Variants in HS3ST5 observed in about 807,000 individuals in gnomAD.
The protein encoded by HS3ST5 is heparan sulfate glucosamine 3-O-sulfotransferase 5.
HS3ST5 carries 10 observed loss-of-function variants against 25.4 expected under a neutral mutation model. That is an observed-to-expected ratio of 0.39 (90% CI 0.24 to 0.67). The LOEUF (loss-of-function observed/expected upper bound fraction) is 0.67. HS3ST5 is among the 30% of genes least tolerant of loss of function. The pLI is 0.44. For synonymous variants in HS3ST5, 170 were observed against 162.4 expected, an observed-to-expected ratio of 1.05 and a Z score of -0.36; for missense variants, 324 against 420.7, an observed-to-expected ratio of 0.77 and a Z score of 2.01.
chr6:114,256,354 C>G (rs1011942510), intron 1 of HS3ST5, among the ~76,000 whole-genome samples: 2 of 151,236 alleles, frequency 1.3e-5, no homozygotes, highest in African/African-American at 4.9e-5. Context: ...CGCCACTGCA[C>G]TCCAGCCTGG....
chr6:114,260,221 AAT>A (rs1442417820), intron 1 of HS3ST5, among the ~76,000 whole-genome samples: 1 of 152,168 alleles, frequency 6.6e-6, no homozygotes, highest in African/African-American at 2.4e-5. Flanking sequence ...CATCTATTCT[AAT>A]ATGGCAAACT....
intron 1 of HS3ST5, among the ~76,000 whole-genome samples, chr6:114,299,519 C>T (rs1774980573): frequency 1.3e-5 from 2 of 152,224 alleles, no homozygotes; most frequent in South Asian, 2.1e-4. Flanking sequence ...TTTTACGGCT[C>T]CTGGGGCATC....
At chr6:114,121,698 A>AT (rs1776794474) in intron 3 of HS3ST5, among the ~76,000 whole-genome samples, 1 of 152,288 alleles carries the variant, frequency 6.6e-6, no homozygotes, top group African/African-American at 2.4e-5. Flanking sequence ...GGCTTCCCAT[A>AT]TTTTTAAAAA....
chr6:114,182,990 A>G (rs1186834966), intron 2 of HS3ST5, among the ~76,000 whole-genome samples: 2 of 151,966 alleles, frequency 1.3e-5, no homozygotes, highest in African/African-American at 4.8e-5. Context: ...GAGCTAGGAT[A>G]TTGTTCATCT....
chr6:114,232,625 T>C (rs183150635), intron 1 of HS3ST5, among the ~76,000 whole-genome samples: 9 of 152,348 alleles, frequency 5.9e-5, no homozygotes, highest in Non-Finnish European at 1.0e-4. Flanking sequence ...TCTCTTTTTG[T>C]AAACAGCCCC....
At chr6:114,250,268 A>G (rs1191777046) in intron 1 of HS3ST5, among the ~76,000 whole-genome samples, 1 of 152,180 alleles carries the variant, frequency 6.6e-6, no homozygotes, top group Non-Finnish European at 1.5e-5. Flanking sequence ...CATTGACTAG[A>G]ATATGAAAGA....
At chr6:114,217,407 T>C (rs1369641120) in intron 2 of HS3ST5, among the ~76,000 whole-genome samples, 1 of 152,224 alleles carries the variant, frequency 6.6e-6, no homozygotes. Context: ...TGCATATGCA[T>C]ATGTATATAC....
intron 3 of HS3ST5, among the ~76,000 whole-genome samples, chr6:114,063,242 C>T (rs987940987): frequency 2.0e-5 from 3 of 152,218 alleles, no homozygotes; most frequent in South Asian, 2.1e-4. Context: ...TGGCCGGGTA[C>T]GGTGGCTCAA....
At chr6:114,196,492 T>A (rs1296944453) in intron 2 of HS3ST5, among the ~76,000 whole-genome samples, 5 of 152,162 alleles carry the variant, frequency 3.3e-5, no homozygotes. Context: ...TTAATTTCTT[T>A]GTGTTTACTC....
At chr6:114,280,899 G>A (rs1289188009) in intron 1 of HS3ST5, among the ~76,000 whole-genome samples, 2 of 151,990 alleles carry the variant, frequency 1.3e-5, no homozygotes, top group Non-Finnish European at 2.9e-5. Flanking sequence ...ATCTGTAAAT[G>A]TAAGCTTCAC....
intron 1 of HS3ST5, among the ~76,000 whole-genome samples, chr6:114,274,649 C>A (rs1447404704): frequency 6.6e-6 from 1 of 152,022 alleles, no homozygotes; most frequent in African/African-American, 2.4e-5. Flanking sequence ...TATGGAAAGA[C>A]AAGTGGCAGT....
intron 1 of HS3ST5, among the ~76,000 whole-genome samples, chr6:114,263,112 C>T (rs1253899611): frequency 6.6e-6 from 1 of 152,046 alleles, no homozygotes; most frequent in Non-Finnish European, 1.5e-5. Flanking sequence ...ATCTCCCATG[C>T]ACTCTAAGTG....
At position 114,309,175 on chromosome 6, in the gene HS3ST5, T is replaced by C. The variant is rs1490430906; in HGVS notation, c.-339+33020A>G. On this transcript the variant is annotated intron_variant, in intron 1 of 4. Transcript: ENST00000312719. The stretch of plus-strand genomic sequence containing the variant: ...GAAAGTGATTTCTTTGACCACACTC[T>C]AAGAAATCTTTTCACAGAATACATA... Among the ~76,000 whole-genome samples the C allele has an allele frequency of 9.2e-5, 14 of 152,168 alleles. 1 individual carries two copies. Among genetic ancestry groups the C allele is most frequent in the Admixed American group, 5.9e-4 (9 of 15,284 alleles).
intron 3 of HS3ST5, among the ~76,000 whole-genome samples, chr6:114,127,619 C>T (rs931317059): frequency 6.6e-6 from 1 of 151,906 alleles, no homozygotes; most frequent in Non-Finnish European, 1.5e-5. Flanking sequence ...ACCACAGATA[C>T]AAGCCATAAA....
intron 3 of HS3ST5, among the ~76,000 whole-genome samples, chr6:114,151,820 G>C (rs1166141053): frequency 2.0e-5 from 3 of 152,104 alleles, no homozygotes; most frequent in Non-Finnish European, 2.9e-5. Context: ...TCCTGTGCCA[G>C]TGTTTTCAAG....
intron 3 of HS3ST5, among the ~76,000 whole-genome samples, chr6:114,127,895 G>T (rs1777130582): frequency 6.7e-6 from 1 of 149,682 alleles, no homozygotes; most frequent in African/African-American, 2.4e-5. Context: ...GAGAGAGAGA[G>T]ACATATGTAT....
At chr6:114,217,133 T>C (rs1368476609) in intron 2 of HS3ST5, among the ~76,000 whole-genome samples, 1 of 152,192 alleles carries the variant, frequency 6.6e-6, no homozygotes, top group East Asian at 1.9e-4. Context: ...AACCACCATG[T>C]AGTAAGATAA....
intron 1 of HS3ST5, among the ~76,000 whole-genome samples, chr6:114,297,585 A>G (rs916757705): frequency 1.3e-5 from 2 of 152,222 alleles, no homozygotes; most frequent in African/African-American, 4.8e-5. Context: ...CCCATATCTA[A>G]TGAAGGCCTT....
intron 3 of HS3ST5, among the ~76,000 whole-genome samples, chr6:114,161,473 A>C (rs1214482528): frequency 3.0e-5 from 4 of 135,140 alleles, no homozygotes; most frequent in Admixed American, 7.8e-5. Flanking sequence ...CTGATGCATT[A>C]AAAACAGCAT....
Sources: allele counts gnomAD v4.1 joint callset (sites outside exome capture counted in the v4.1 genomes callset), GRCh38; gene constraint gnomAD v4.1.1; transcripts MANE v1.5; gene names NCBI Gene and HGNC (gene_info 2026-07-23, HGNC 2026-07-21).